Variants in PREX2 observed in about 807,000 individuals in gnomAD.
PREX2 encodes phosphatidylinositol 3,4,5-trisphosphate-dependent Rac exchanger 2 protein.
A neutral mutation model predicts 203.2 loss-of-function variants in PREX2; 107 were observed. That is an observed-to-expected ratio of 0.53 (90% CI 0.45 to 0.62). The LOEUF is 0.62. Ranked by LOEUF, PREX2 falls within the 20% of genes least tolerant of loss-of-function variation. The pLI is 0.00. For synonymous variants in PREX2, 672 were observed against 663.6 expected (o/e 1.01, Z -0.19); for missense variants, 1,777 against 1,955.9 (o/e 0.91, Z 1.72).
Position 68,087,700 on chromosome 8 carries a change from T to G in PREX2, c.2028-24T>G, listed in dbSNP as rs191178743. 1.3e-5 allele frequency: 20 copies of G among 1,556,274 alleles called. No homozygotes were observed. In the African/African-American group the frequency reaches 1.8e-4, roughly 14 times the overall value. ...CAGTTTTGATTCTTACGCTTCATCTTACCTTATTTTCTGATTGATTTAGGA... is the reference window on the plus strand; with the variant it reads ...CAGTTTTGATTCTTACGCTTCATCTGACCTTATTTTCTGATTGATTTAGGA... On this transcript the variant is annotated intron_variant, in intron 18 of 39. Coordinates refer to ENST00000288368, the MANE Select transcript of PREX2 (RefSeq NM_024870.4).
At chr8:68,165,066 T>C (rs997726671) in intron 35 of PREX2, among the ~76,000 whole-genome samples, 1 of 151,930 alleles carries the variant, frequency 6.6e-6, no homozygotes, top group South Asian at 2.1e-4. Flanking sequence ...TTTGCCTTTT[T>C]TTTTTTTGGT....
At chr8:68,088,869 C>T (rs1809779922) in intron 19 of PREX2, among the ~76,000 whole-genome samples, 1 of 152,112 alleles carries the variant, frequency 6.6e-6, no homozygotes, top group African/African-American at 2.4e-5. Context: ...CAAGCTGTAC[C>T]TCTTCCCTTA....
rs752475501 is a variant in PREX2 at position 68,231,380 on chromosome 8, A to G, written c.*2A>G. 1.3e-6 allele frequency: 2 copies of G among 1,599,502 alleles called. No individual in the cohort carries two copies. Among genetic ancestry groups the G allele is most frequent in the Admixed American group, 1.7e-5 (1 of 57,552 alleles). ...CCTCCCCCAGCTGGAGAAGAATGAA[A>G]AGAACTCCCAAGAAACCAGGCAGGC... On this transcript the variant is annotated 3_prime_UTR_variant, in exon 40 of 40. Coordinates refer to ENST00000288368, the MANE Select transcript of PREX2 (RefSeq NM_024870.4).
chr8:68,230,766 G>C (rs897251493), intron 39 of PREX2, among the ~76,000 whole-genome samples: 11 of 152,136 alleles, frequency 7.2e-5, no homozygotes, highest in African/African-American at 2.7e-4. Context: ...AGTGGGCCCT[G>C]GGCAGAGCTG....
At chr8:67,970,333 G>T (rs1255163381) in intron 1 of PREX2, among the ~76,000 whole-genome samples, 1 of 152,002 alleles carries the variant, frequency 6.6e-6, no homozygotes, top group Non-Finnish European at 1.5e-5. Flanking sequence ...AAATAAAAAG[G>T]CCCAAACCAC....
rs1813272580 is a variant in PREX2 at position 68,236,783 on chromosome 8, T to G, written c.*5405T>G. Reference sequence around the variant, plus strand: ...GTAATTGTTTTGAATATATCCATACTTAACATCATATGAAATCCAAAATTT... The same window carrying G: ...GTAATTGTTTTGAATATATCCATACGTAACATCATATGAAATCCAAAATTT... On this transcript the variant is annotated 3_prime_UTR_variant, in exon 40 of 40. Coordinates refer to ENST00000288368, the MANE Select transcript of PREX2 (RefSeq NM_024870.4). 1.3e-5 allele frequency: 2 copies of G among 152,148 alleles called. No individual in the cohort carries two copies. Among genetic ancestry groups the G allele is most frequent in the African/African-American group, 4.8e-5 (2 of 41,456 alleles). 9.4% of individuals were successfully genotyped at this position (152,148 alleles called of 1,614,324 possible). A position where few individuals can be genotyped will look rare whatever the true frequency, so the allele number is the denominator to read the frequency against.
intron 25 of PREX2, chr8:68,110,847 A>G (rs1810519860): frequency 3.3e-6 from 1 of 299,064 alleles, no homozygotes; most frequent in Non-Finnish European, 6.7e-6. Flanking sequence ...CTGAAGTTTT[A>G]TGAGTGATTT....
chr8:68,090,267 A>T (rs1413651899), intron 19 of PREX2, among the ~76,000 whole-genome samples: 2 of 152,218 alleles, frequency 1.3e-5, no homozygotes, highest in Non-Finnish European at 2.9e-5. Context: ...GCCATTATAT[A>T]TGCATATTTA....
At chr8:68,208,292 GTTTAA>G (rs1421870698) in intron 37 of PREX2, among the ~76,000 whole-genome samples, 2 of 152,184 alleles carry the variant, frequency 1.3e-5, no homozygotes, top group Non-Finnish European at 1.5e-5. Flanking sequence ...TAATGGATGA[GTTTAA>G]TTTGATAACT....
Position 68,170,940 on chromosome 8 carries a change from A to G in PREX2, c.4346+13504A>G, listed in dbSNP as rs113658537. Among the ~76,000 whole-genome samples the G allele has an allele frequency of 2.0e-5, 3 of 152,332 alleles. 1 individual carries two copies. Among genetic ancestry groups the G allele is most frequent in the African/African-American group, 7.2e-5 (3 of 41,588 alleles). ...AAAGCACAACTGCATTTACATTTACAGATAAAATGTAAATGTGAACAGTGT... is the reference window on the plus strand; with the variant it reads ...AAAGCACAACTGCATTTACATTTACGGATAAAATGTAAATGTGAACAGTGT... On this transcript the variant is annotated intron_variant, in intron 35 of 39. Transcript: ENST00000288368.
At chr8:68,025,433 A>T in intron 4 of PREX2, among the ~76,000 whole-genome samples, 2 of 150,042 alleles carry the variant, frequency 1.3e-5, no homozygotes, top group East Asian at 2.0e-4. Flanking sequence ...TGCTTTCTAG[A>T]TTTTCTCTTT....
chr8:68,047,564 T>G (rs889841346), intron 8 of PREX2, among the ~76,000 whole-genome samples: 5 of 148,866 alleles, frequency 3.4e-5, no homozygotes, highest in African/African-American at 7.4e-5. Flanking sequence ...TTTCCTTTTT[T>G]TAAATTGAGA....
intron 1 of PREX2, among the ~76,000 whole-genome samples, chr8:67,988,018 A>G (rs1016648357): frequency 6.6e-6 from 1 of 152,150 alleles, no homozygotes; most frequent in Admixed American, 6.5e-5. Flanking sequence ...TTTCAGTGTG[A>G]ATAACCCGTT....
At chr8:68,044,719 G>C in intron 8 of PREX2, 129 bp downstream of exon 8, 2 of 681,216 alleles carry the variant, frequency 2.9e-6, no homozygotes, top group Non-Finnish European at 5.0e-6. Context: ...TAGGTAAAGT[G>C]GTTGGGTAGA....
At chr8:68,016,462 T>C (rs901364783) in intron 1 of PREX2, among the ~76,000 whole-genome samples, 1 of 152,194 alleles carries the variant, frequency 6.6e-6, no homozygotes, top group African/African-American at 2.4e-5. Context: ...TATATCATAA[T>C]ATGCTTAGTG....
At chr8:68,114,467 G>T in intron 25 of PREX2, 2 of 316,656 alleles carry the variant, frequency 6.3e-6, no homozygotes, top group Non-Finnish European at 1.3e-5. Context: ...GTTTATACAT[G>T]GTTTAATTCA....
chr8:68,212,107 C>T (rs1187193613), intron 37 of PREX2, among the ~76,000 whole-genome samples: 2 of 152,094 alleles, frequency 1.3e-5, no homozygotes, highest in Non-Finnish European at 2.9e-5. Context: ...GTTTCTCCAC[C>T]CTCATCTCCT....
intron 33 of PREX2, among the ~76,000 whole-genome samples, chr8:68,141,299 T>A (rs1730267381): frequency 6.6e-6 from 1 of 152,180 alleles, no homozygotes; most frequent in South Asian, 2.1e-4. Context: ...TTTATAGTAG[T>A]TCATTATTAG....
At chr8:68,082,016 C>CA (rs889678877) in intron 17 of PREX2, among the ~76,000 whole-genome samples, 5 of 148,650 alleles carry the variant, frequency 3.4e-5, no homozygotes, top group African/African-American at 5.0e-5. Flanking sequence ...GCCTTTCAAA[C>CA]AAAAAAAACT....
Sources: gnomAD v4.1 joint callset for allele counts (sites outside exome capture counted in the v4.1 genomes callset) on GRCh38, gnomAD v4.1.1 for gene constraint, MANE v1.5 for transcripts, NCBI Gene and HGNC (gene_info 2026-07-23, HGNC 2026-07-21) for gene names.